The following SHC4 variants were observed in gnomAD, a reference collection of about 807,000 sequenced individuals.
SHC4 encodes the protein SHC adaptor protein 4, also known as SHC-transforming protein 4.
SHC4 carries 41 observed loss-of-function variants against 69.4 expected under a neutral mutation model. The observed-to-expected ratio is 0.59, with a 90% CI of 0.46 to 0.77. SHC4 has a LOEUF of 0.77. SHC4 is among the 30% of genes least tolerant of loss of function. SHC4 has a pLI of 0.00. For synonymous variants in SHC4, 318 were observed against 299.3 expected (o/e 1.06, Z -0.64); for missense variants, 777 against 783.8 (o/e 0.99, Z 0.10).
chr15:48,865,597 T>C (rs1403911063), intron 6 of SHC4, among the ~76,000 whole-genome samples: 1 of 152,180 alleles, frequency 6.6e-6, no homozygotes, highest in Non-Finnish European at 1.5e-5. Context: ...CTGCCTGACA[T>C]CGTACAGTGA....
In SHC4 at chr15:48,963,173, C is replaced by A. The variant is rs1039585699; in HGVS notation, c.-158G>T. 2.8e-6 allele frequency: 2 copies of A among 724,648 alleles called. No individual in the cohort carries two copies. Among genetic ancestry groups the A allele is most frequent in the Non-Finnish European group, 4.4e-6 (2 of 453,480 alleles). 44.9% of individuals were successfully genotyped at this position (724,648 alleles called of 1,614,324 possible). The stretch of plus-strand genomic sequence containing the variant: ...GCTCGCCCACCTCGGCTCCCGGCCC[C>A]TTAAGGGTGACAGCCCATGGGGGAA... On this transcript the variant is annotated 5_prime_UTR_variant, in exon 1 of 12. The change creates a new upstream start codon in the 5' untranslated region. Transcript: ENST00000332408.
chr15:48,906,599 A>C (rs1033731455), intron 2 of SHC4, among the ~76,000 whole-genome samples: 2 of 152,148 alleles, frequency 1.3e-5, no homozygotes, highest in African/African-American at 4.8e-5. Flanking sequence ...GTCCAGGGTA[A>C]AGCCTCAATC....
At chr15:48,924,627 A>C (rs1406116293) in intron 2 of SHC4, among the ~76,000 whole-genome samples, 3 of 152,212 alleles carry the variant, frequency 2.0e-5, no homozygotes, top group Non-Finnish European at 4.4e-5. Context: ...CTGGGAAACC[A>C]GCTATTTCTG....
chr15:48,954,907 C>A (rs1027318532), intron 1 of SHC4, among the ~76,000 whole-genome samples: 3 of 152,142 alleles, frequency 2.0e-5, no homozygotes, highest in South Asian at 4.1e-4. Flanking sequence ...GAAGGCTTAT[C>A]AAGTTTTAGT....
intron 8 of SHC4, among the ~76,000 whole-genome samples, chr15:48,852,933 A>AATAC (rs1450507547): frequency 2.7e-4 from 40 of 148,732 alleles, no homozygotes; most frequent in African/African-American, 9.3e-4. Flanking sequence ...TAAATAAATA[A>AATAC]ATAAATAAAT....
intron 2 of SHC4, among the ~76,000 whole-genome samples, chr15:48,913,094 T>C (rs1264575846): frequency 1.3e-5 from 2 of 151,952 alleles, no homozygotes; most frequent in African/African-American, 4.8e-5. Context: ...GGTGGCACTT[T>C]CCAGAGAGCA....
At chr15:48,885,303 G>T (rs1207944383) in intron 3 of SHC4, among the ~76,000 whole-genome samples, 2 of 151,666 alleles carry the variant, frequency 1.3e-5, no homozygotes, top group Non-Finnish European at 2.9e-5. Flanking sequence ...AACTTTCTAA[G>T]CCTCAAATTC....
intron 1 of SHC4, among the ~76,000 whole-genome samples, chr15:48,942,246 T>C (rs1901189146): frequency 6.6e-6 from 1 of 152,164 alleles, no homozygotes; most frequent in African/African-American, 2.4e-5. Context: ...CCAACCCCTT[T>C]ATTTCCAAAG....
At chr15:48,924,621 G>A (rs1900813044) in intron 2 of SHC4, among the ~76,000 whole-genome samples, 1 of 152,146 alleles carries the variant, frequency 6.6e-6, no homozygotes, top group African/African-American at 2.4e-5. Flanking sequence ...TGGTACCTGG[G>A]AAACCAGCTA....
chr15:48,923,127 A>G (rs1003836872), intron 2 of SHC4, among the ~76,000 whole-genome samples: 3 of 152,230 alleles, frequency 2.0e-5, no homozygotes, highest in African/African-American at 7.2e-5. Flanking sequence ...AGAGGTTTGG[A>G]AAGGCAGATT....
chr15:48,878,015 A>T, intron 4 of SHC4: 2 of 846,028 alleles, frequency 2.4e-6, no homozygotes, highest in Non-Finnish European at 3.6e-6. Context: ...ACACTGAGCT[A>T]CTCCAACCAC....
chr15:48,887,236 C>T (rs1019787911), intron 3 of SHC4, among the ~76,000 whole-genome samples: 4 of 152,146 alleles, frequency 2.6e-5, no homozygotes, highest in African/African-American at 4.8e-5. Context: ...GGTCCTAAAT[C>T]GTTTTTGGCT....
intron 2 of SHC4, among the ~76,000 whole-genome samples, chr15:48,914,360 T>A (rs1900577005): frequency 6.6e-6 from 1 of 152,264 alleles, no homozygotes. Context: ...AATGGCCACT[T>A]ACCTCTCTGA....
intron 2 of SHC4, among the ~76,000 whole-genome samples, chr15:48,892,863 CA>C (rs11391011): frequency 4.5e-3 from 328 of 72,832 alleles, no homozygotes; most frequent in South Asian, 0.023. Flanking sequence ...AACTCCGTCT[CA>C]AAAAAAAAAA....
At chr15:48,833,442 T>A (rs942177937) in intron 11 of SHC4, among the ~76,000 whole-genome samples, 3 of 152,184 alleles carry the variant, frequency 2.0e-5, no homozygotes, top group African/African-American at 7.2e-5. Flanking sequence ...GTGCCCCAAG[T>A]GGCAGGACAG....
chr15:48,838,470 G>C (rs1898936545), intron 10 of SHC4, among the ~76,000 whole-genome samples: 1 of 152,264 alleles, frequency 6.6e-6, no homozygotes, highest in Non-Finnish European at 1.5e-5. Flanking sequence ...AAATAAAAAT[G>C]TATTTGCATT....
chr15:48,941,345 T>C (rs1470498227), intron 1 of SHC4, among the ~76,000 whole-genome samples: 1 of 152,124 alleles, frequency 6.6e-6, no homozygotes, highest in Admixed American at 6.5e-5. Flanking sequence ...ACATTATCAG[T>C]GGAGTAGTCA....
At chr15:48,849,627 TGAGC>T (rs1899168487) in intron 9 of SHC4, among the ~76,000 whole-genome samples, 1 of 152,100 alleles carries the variant, frequency 6.6e-6, no homozygotes, top group Non-Finnish European at 1.5e-5. Context: ...TATTTCCAAG[TGAGC>T]TTCAGTACAG....
chr15:48,914,147 C>T (rs1361890913), intron 2 of SHC4, among the ~76,000 whole-genome samples: 1 of 152,252 alleles, frequency 6.6e-6, no homozygotes, highest in Non-Finnish European at 1.5e-5. Flanking sequence ...AGACATGAGC[C>T]ACCGCGCCCG....
Sources: allele counts gnomAD v4.1 joint callset (sites outside exome capture counted in the v4.1 genomes callset), GRCh38; gene constraint gnomAD v4.1.1; transcripts MANE v1.5; gene names NCBI Gene and HGNC (gene_info 2026-07-23, HGNC 2026-07-21).